Variants in KATNIP observed in about 807,000 individuals in gnomAD.
The protein encoded by KATNIP is katanin interacting protein, also known as katanin-interacting protein.
A neutral mutation model predicts 174.0 loss-of-function variants in KATNIP; 126 were observed. The ratio of observed to expected loss-of-function variants is 0.72; its 90% CI spans 0.63 to 0.84. The LOEUF is 0.84. Among genes scored for constraint, KATNIP ranks in the 40% least tolerant of loss-of-function variants. KATNIP has a pLI of 0.00. For missense variants in KATNIP, 1,958 were observed against 2,109.7 expected (o/e 0.93, Z 1.41); for synonymous variants, 810 against 835.7 (o/e 0.97, Z 0.53).
intron 17 of KATNIP, among the ~76,000 whole-genome samples, chr16:27,753,228 C>A (rs1190653755): frequency 6.6e-6 from 1 of 151,994 alleles, no homozygotes; most frequent in South Asian, 2.1e-4. Context: ...AGCCAGAAAG[C>A]TGGATTTTTC....
chr16:27,773,486 G>A (rs567966987), intron 23 of KATNIP, among the ~76,000 whole-genome samples: 58 of 152,244 alleles, frequency 3.8e-4, no homozygotes, highest in African/African-American at 1.3e-3. Context: ...CCCCCTTCTC[G>A]GAGAACCACA....
At chr16:27,775,703 CTG>C (rs891831167) in intron 24 of KATNIP, among the ~76,000 whole-genome samples, 2 of 152,206 alleles carry the variant, frequency 1.3e-5, no homozygotes, top group African/African-American at 4.8e-5. Context: ...GTCAGCCCCC[CTG>C]CAGCCTCTCA....
chr16:27,594,103 A>C (rs1173081667), intron 2 of KATNIP, among the ~76,000 whole-genome samples: 4 of 151,938 alleles, frequency 2.6e-5, no homozygotes, highest in Non-Finnish European at 5.9e-5. Context: ...AAAAAAAAAA[A>C]CTAAAAATTA....
intron 2 of KATNIP, among the ~76,000 whole-genome samples, chr16:27,604,160 G>A (rs2075627015): frequency 6.6e-6 from 1 of 151,962 alleles, no homozygotes; most frequent in Non-Finnish European, 1.5e-5. Flanking sequence ...GTAGAGTGGT[G>A]CAGTCACAGC....
intron 10 of KATNIP, among the ~76,000 whole-genome samples, chr16:27,700,979 C>T (rs764872201): frequency 6.6e-6 from 1 of 151,996 alleles, no homozygotes; most frequent in East Asian, 1.9e-4. Flanking sequence ...GGACTAAAAT[C>T]GTCTGCAGAT....
rs146596969 is a variant in KATNIP, at chr16:27,699,566, C to T, written c.1146C>T (p.Thr382=). 7.9e-5 allele frequency: 128 copies of T among 1,614,162 alleles called. No individual in the cohort carries two copies. The highest frequency in any genetic ancestry group is 1.1e-4 in the Non-Finnish European group (124 of 1,180,030). Residue 382 remains threonine, a synonymous_variant, in exon 10 of 28, where the codon ACC becomes ACT. Transcript: ENST00000261588. ...DAEGPPAKPW[T]SLLEEKEETL... is the part of the protein sequence containing the mutation. ...AAGGACCACCAGCAAAACCATGGAC[C>T]AGTCTGCTGGAGGAGAAGGAAGAGA...
chr16:27,648,077 T>C (rs1265331569), intron 5 of KATNIP, among the ~76,000 whole-genome samples: 1 of 152,096 alleles, frequency 6.6e-6, no homozygotes, highest in Non-Finnish European at 1.5e-5. Flanking sequence ...GGTGAATCAC[T>C]TGAGGCCAGG....
intron 2 of KATNIP, among the ~76,000 whole-genome samples, chr16:27,601,045 T>G (rs1042414932): frequency 6.6e-6 from 1 of 152,180 alleles, no homozygotes; most frequent in African/African-American, 2.4e-5. Flanking sequence ...AGTTGCCTCC[T>G]CTTGATAGCA....
At chr16:27,572,202 G>T (rs1331466363) in intron 1 of KATNIP, among the ~76,000 whole-genome samples, 1 of 151,880 alleles carries the variant, frequency 6.6e-6, no homozygotes, top group East Asian at 1.9e-4. Context: ...GATCACATGA[G>T]CCCAGGAAAT....
At chr16:27,597,985 T>C (rs2075392371) in intron 2 of KATNIP, among the ~76,000 whole-genome samples, 1 of 152,248 alleles carries the variant, frequency 6.6e-6, no homozygotes. Context: ...CCCAGCACTT[T>C]GGGAGACTGA....
intron 2 of KATNIP, among the ~76,000 whole-genome samples, chr16:27,595,333 G>A (rs2075303611): frequency 1.3e-5 from 2 of 152,192 alleles, no homozygotes; most frequent in Non-Finnish European, 2.9e-5. Flanking sequence ...GCTGCAGTGA[G>A]CTGAGATCAC....
chr16:27,584,365 G>A (rs2090808913), intron 2 of KATNIP, among the ~76,000 whole-genome samples: 1 of 152,054 alleles, frequency 6.6e-6, no homozygotes, highest in Admixed American at 6.6e-5. Context: ...TAAAGCACAT[G>A]GTTAGGAAGG....
intron 4 of KATNIP, among the ~76,000 whole-genome samples, chr16:27,630,328 G>A (rs574512679): frequency 1.6e-4 from 25 of 152,358 alleles, no homozygotes; most frequent in African/African-American, 5.8e-4. Context: ...AATGTAAGCT[G>A]TCTGTCACAC....
chr16:27,593,712 G>A (rs1349494205), intron 2 of KATNIP, among the ~76,000 whole-genome samples: 1 of 152,046 alleles, frequency 6.6e-6, no homozygotes, highest in Non-Finnish European at 1.5e-5. Flanking sequence ...TTATTTTTTT[G>A]TAGAGATGGA....
rs943505083 is a variant in KATNIP, at chr16:27,773,118, T to G, written c.4218T>G (p.Leu1406=). Residue 1406 remains leucine, a synonymous_variant, in exon 23 of 28, where the codon CTT becomes CTG. Transcript: ENST00000261588. ...TCCCAGTCATTTTCCAGTTTCAGCT[T>G]CTCACCAGCTGGGGCGACCCCTACT... ...MPCGFIFQFQ[L]LTSWGDPYYI... 5 of 1,609,586 alleles carry G rather than the reference T, an allele frequency of 3.1e-6. No homozygotes were observed. Among genetic ancestry groups the G allele is most frequent in the Non-Finnish European group, 4.2e-6 (5 of 1,177,788 alleles).
At chr16:27,589,174 GGGATTACA>G (rs1273235049) in intron 2 of KATNIP, among the ~76,000 whole-genome samples, 1 of 151,956 alleles carries the variant, frequency 6.6e-6, no homozygotes, top group Non-Finnish European at 1.5e-5. Flanking sequence ...CCAAGGTGCT[GGGATTACA>G]GGCATGAGCC....
intron 2 of KATNIP, among the ~76,000 whole-genome samples, chr16:27,607,653 A>G (rs2075751618): frequency 7.0e-6 from 1 of 142,348 alleles, no homozygotes; most frequent in South Asian, 2.2e-4. Flanking sequence ...GCTGGAGTGC[A>G]GTGGCACAAT....
At chr16:27,765,725 C>T (rs2082098408) in intron 19 of KATNIP, among the ~76,000 whole-genome samples, 1 of 152,230 alleles carries the variant, frequency 6.6e-6, no homozygotes, top group Non-Finnish European at 1.5e-5. Flanking sequence ...TTATGTTTTT[C>T]ACTTTTGCAC....
At chr16:27,674,421 C>T (rs1266132564) in intron 6 of KATNIP, among the ~76,000 whole-genome samples, 1 of 152,178 alleles carries the variant, frequency 6.6e-6, no homozygotes, top group Non-Finnish European at 1.5e-5. Context: ...TCTGGAGGCT[C>T]GAGAGGAAAG....
Sources: gnomAD v4.1 joint callset for allele counts (sites outside exome capture counted in the v4.1 genomes callset) on GRCh38, gnomAD v4.1.1 for gene constraint, MANE v1.5 for transcripts, NCBI Gene and HGNC (gene_info 2026-07-23, HGNC 2026-07-21) for gene names.